NGEF: variants seen among roughly 807,000 people sequenced by gnomAD.
NGEF encodes ephexin-1.
In NGEF, 31 loss-of-function variants were observed where a neutral mutation model predicts 80.9. The observed-to-expected ratio is 0.38, with a 90% confidence interval of 0.29 to 0.52. The LOEUF (loss-of-function observed/expected upper bound fraction) is 0.52, where lower values mean the gene tolerates loss of function less well. Among genes scored for constraint, NGEF ranks in the 20% least tolerant of loss-of-function variants. The pLI is 0.84. For missense variants in NGEF, 709 were observed against 926.2 expected, an observed-to-expected ratio of 0.77 and a Z score of 3.04; for synonymous variants, 371 against 370.2, an observed-to-expected ratio of 1.00 and a Z score of -0.03.
intron 1 of NGEF, among the ~76,000 whole-genome samples, chr2:232,999,222 G>A (rs1694920585): frequency 6.6e-6 from 1 of 152,108 alleles, no homozygotes; most frequent in African/African-American, 2.4e-5. Context: ...TTTATTATTT[G>A]CAACTAAGTG....
At position 232,934,255 on chromosome 2, in the gene NGEF, A is replaced by AG. The variant is rs1574621660; in HGVS notation, c.384-7070_384-7069insC. ...AGACTGCATCTCAAAAAAAAAAAAA[A>AG]AAAAAAGAAAGAGAAAGAAAAACAC... On this transcript the variant is annotated intron_variant, in intron 3 of 14. Coordinates refer to ENST00000264051, the MANE Select transcript of NGEF (RefSeq NM_019850.3). Among the ~76,000 whole-genome samples the AG allele has an allele frequency of 3.3e-5, 5 of 151,698 alleles. No homozygotes were observed. The East Asian group carries it at 9.9e-4, about 30-fold the overall frequency.
At chr2:232,887,861 C>G (rs1485695337) in intron 9 of NGEF, among the ~76,000 whole-genome samples, 172 bp downstream of exon 9, 1 of 152,170 alleles carries the variant, frequency 6.6e-6, no homozygotes, top group Admixed American at 6.5e-5. Flanking sequence ...CAAGCCATGC[C>G]TGGTGTATTT....
chr2:232,997,356 G>A (rs962471573), intron 1 of NGEF, among the ~76,000 whole-genome samples: 1 of 152,144 alleles, frequency 6.6e-6, no homozygotes, highest in Non-Finnish European at 1.5e-5. Flanking sequence ...TCGCTAAGGG[G>A]CAGCACGCCT....
intron 1 of NGEF, among the ~76,000 whole-genome samples, chr2:233,011,313 C>T (rs1393224494): frequency 6.6e-6 from 1 of 152,088 alleles, no homozygotes. Context: ...GACTTCAGAG[C>T]ATCAGAGCTG....
intron 5 of NGEF, among the ~76,000 whole-genome samples, chr2:232,911,103 T>C (rs934939414): frequency 1.3e-5 from 2 of 152,246 alleles, no homozygotes; most frequent in African/African-American, 4.8e-5. Context: ...CTCCTATGTT[T>C]TCCTCTAAAA....
chr2:232,931,314 G>T (rs1179847376), intron 3 of NGEF, among the ~76,000 whole-genome samples: 1 of 152,190 alleles, frequency 6.6e-6, no homozygotes, highest in Non-Finnish European at 1.5e-5. Context: ...CCGTTATTTG[G>T]TGGCTCATAC....
intron 2 of NGEF, among the ~76,000 whole-genome samples, 166 bp downstream of exon 2, chr2:232,974,457 A>G (rs1219838164): frequency 6.6e-6 from 1 of 152,090 alleles, no homozygotes; most frequent in Non-Finnish European, 1.5e-5. Context: ...ATAGTGGAGG[A>G]ATTTGGGTTC....
intron 1 of NGEF, among the ~76,000 whole-genome samples, chr2:232,999,957 T>A (rs1009256433): frequency 1.3e-5 from 2 of 152,220 alleles, no homozygotes; most frequent in Non-Finnish European, 2.9e-5. Flanking sequence ...TGTCTTAGTC[T>A]GCTAACACTG....
intron 3 of NGEF, among the ~76,000 whole-genome samples, chr2:232,929,106 C>G (rs889129066): frequency 1.4e-4 from 21 of 152,230 alleles, no homozygotes; most frequent in African/African-American, 4.6e-4. Flanking sequence ...CTTGGGTGAC[C>G]GCGGCCTGCG....
chr2:233,000,629 G>C (rs960973049), intron 1 of NGEF, among the ~76,000 whole-genome samples: 1 of 151,986 alleles, frequency 6.6e-6, no homozygotes, highest in African/African-American at 2.4e-5. Flanking sequence ...GCGTGGTGGC[G>C]GGCGCCTGTA....
Position 232,892,751 on chromosome 2 carries a change from TG to T in NGEF, c.1142+146del. The T allele has an allele frequency of 1.2e-6, 1 of 850,298 alleles. No homozygotes were observed. The highest frequency in any genetic ancestry group is 1.9e-6 in the Non-Finnish European group (1 of 539,210). The allele number at this position is 850,298 out of a possible 1,614,324, so 52.7% of individuals were successfully genotyped here. ...GTTGGGACACTGTCACCAGTATCCC[TG>T]GCCAACTCCGGTGGCTCATGTGGAC... On this transcript the variant is annotated intron_variant, in intron 7 of 14. Transcript: ENST00000264051. The surrounding 1 kb of genome is among the most constrained non-coding windows in gnomAD (Gnocchi z 4.0).
At chr2:232,913,017 T>C (rs942672253) in intron 5 of NGEF, among the ~76,000 whole-genome samples, 44 of 152,218 alleles carry the variant, frequency 2.9e-4, no homozygotes, top group African/African-American at 9.4e-4. Context: ...TGCTCTCACA[T>C]GTATTACTTC....
chr2:232,909,663 A>G (rs1028059359), intron 5 of NGEF, among the ~76,000 whole-genome samples: 3 of 152,140 alleles, frequency 2.0e-5, no homozygotes, highest in Non-Finnish European at 2.9e-5. Flanking sequence ...CAATATAATC[A>G]GGATGCTCAA....
At chr2:232,895,526 TAAA>T (rs569482466) in intron 5 of NGEF, among the ~76,000 whole-genome samples, 9 of 138,092 alleles carry the variant, frequency 6.5e-5, no homozygotes, top group Admixed American at 7.1e-5. Context: ...GACTCTGTCT[TAAA>T]AAAAAAAAAA....
intron 8 of NGEF, among the ~76,000 whole-genome samples, 195 bp downstream of exon 8, chr2:232,891,163 C>T (rs551120407): frequency 1.3e-5 from 2 of 152,250 alleles, no homozygotes; most frequent in East Asian, 3.9e-4. Context: ...GTGCATGGTT[C>T]GGTCTCTCCC....
intron 3 of NGEF, among the ~76,000 whole-genome samples, chr2:232,953,498 CTTT>C (rs61259136): frequency 7.7e-6 from 1 of 129,108 alleles, no homozygotes; most frequent in African/African-American, 3.0e-5. Flanking sequence ...GACTTACATT[CTTT>C]TTTTTTTTAA....
intron 1 of NGEF, among the ~76,000 whole-genome samples, chr2:233,002,991 G>C (rs1695011747): frequency 6.6e-6 from 1 of 152,208 alleles, no homozygotes; most frequent in Non-Finnish European, 1.5e-5. Flanking sequence ...TCCGGAAAGG[G>C]GGTGCAGAGT....
chr2:232,901,430 G>A (rs1349280043), intron 5 of NGEF: 1 of 985,360 alleles, frequency 1.0e-6, no homozygotes, highest in Non-Finnish European at 1.2e-6. Flanking sequence ...CCTGATTTGG[G>A]TTGTTTTTTT....
intron 3 of NGEF, among the ~76,000 whole-genome samples, chr2:232,931,019 A>G (rs1693205656): frequency 6.6e-6 from 1 of 152,254 alleles, no homozygotes; most frequent in Non-Finnish European, 1.5e-5. Flanking sequence ...GTGTGAAACT[A>G]GAAAAATTCT....
Sources: allele counts gnomAD v4.1 joint callset (sites outside exome capture counted in the v4.1 genomes callset), GRCh38; gene constraint gnomAD v4.1.1; non-coding constraint Gnocchi (gnomAD v3.1); transcripts MANE v1.5; gene names NCBI Gene and HGNC (gene_info 2026-07-23, HGNC 2026-07-21).